The following KIF3C variants were observed in gnomAD, a reference collection of about 807,000 sequenced individuals.
KIF3C encodes the protein kinesin-like protein KIF3C.
In KIF3C, 12 loss-of-function variants were observed where a neutral mutation model predicts 67.7. That is an observed-to-expected ratio of 0.18 (90% CI 0.11 to 0.29). KIF3C has a LOEUF of 0.29. KIF3C is among the 10% of genes least tolerant of loss of function. KIF3C has a pLI of 1.00. For synonymous variants in KIF3C, 393 were observed against 426.2 expected (o/e 0.92, Z 0.96); for missense variants, 789 against 1,059.6 (o/e 0.74, Z 3.55).
At chr2:25,969,396 G>C (rs1043130619) in intron 1 of KIF3C, among the ~76,000 whole-genome samples, 2 of 151,802 alleles carry the variant, frequency 1.3e-5, no homozygotes, top group Non-Finnish European at 2.9e-5. Context: ...TTAAAAGTGG[G>C]TGATGGGTGC....
In KIF3C at chr2:25,981,891, C is replaced by T; in HGVS notation, c.27G>A (p.Glu9=). 1.3e-6 allele frequency: 2 copies of T among 1,570,180 alleles called. No individual in the cohort carries two copies. Among genetic ancestry groups the T allele is most frequent in the East Asian group, 2.3e-5 (1 of 44,442 alleles). Residue 9 remains glutamate, a synonymous_variant, in exon 1 of 8, where the codon GAG becomes GAA. Transcript: ENST00000264712. This position sits in a 1 kb window ranked among gnomAD's most constrained non-coding sequence, Gnocchi z 8.2. The stretch of plus-strand genomic sequence containing the variant: ...GGCACCGGGCCACCACCTTGAGGGC[C>T]TCGCTGGCCTTGGTCTTACTGGCCA... MASKTKAS[E]ALKVVARCRP...
intron 3 of KIF3C, among the ~76,000 whole-genome samples, chr2:25,954,637 G>A (rs1663759333): frequency 6.6e-6 from 1 of 152,204 alleles, no homozygotes. Context: ...TATCAGCATC[G>A]TGGAATGTTC....
At chr2:25,951,547 T>C in intron 5 of KIF3C, 1 of 456,302 alleles carries the variant, frequency 2.2e-6, no homozygotes, top group East Asian at 4.1e-5. Context: ...CCGAGATCCC[T>C]CACAAGGTAT....
chr2:25,946,211 T>TCA (rs1663428981), intron 5 of KIF3C, among the ~76,000 whole-genome samples: 2 of 152,206 alleles, frequency 1.3e-5, no homozygotes, highest in African/African-American at 4.8e-5. Context: ...AAGAACTGAC[T>TCA]CTCTTTTCAC....
chr2:25,967,008 C>CA (rs1319296135), intron 1 of KIF3C, among the ~76,000 whole-genome samples: 1 of 152,226 alleles, frequency 6.6e-6, no homozygotes, highest in African/African-American at 2.4e-5. Flanking sequence ...GCCCTAACTC[C>CA]AAGCCCAATG....
intron 1 of KIF3C, among the ~76,000 whole-genome samples, chr2:25,965,717 C>G (rs564044143): frequency 1.3e-5 from 2 of 151,694 alleles, no homozygotes; most frequent in South Asian, 4.2e-4. Flanking sequence ...TAGAATATAC[C>G]AAGCAGAGGA....
chr2:25,979,620 T>C (rs562356604), intron 1 of KIF3C, among the ~76,000 whole-genome samples: 222 of 152,208 alleles, frequency 1.5e-3, no homozygotes, highest in African/African-American at 5.0e-3. Flanking sequence ...CCACCCTACC[T>C]CCTGCATAAC....
At chr2:25,929,763 C>G (rs538588890) in intron 6 of KIF3C, among the ~76,000 whole-genome samples, 192 bp downstream of exon 6, 2 of 150,560 alleles carry the variant, frequency 1.3e-5, no homozygotes, top group African/African-American at 4.9e-5. Flanking sequence ...CTATAGGCAC[C>G]CATCACCACG....
chr2:25,977,933 G>C (rs1454352692), intron 1 of KIF3C, among the ~76,000 whole-genome samples: 2 of 152,118 alleles, frequency 1.3e-5, no homozygotes, highest in Non-Finnish European at 2.9e-5. Context: ...GAAGTCACAG[G>C]GTATGGAATC....
Position 25,955,788 on chromosome 2 carries a change from A to G in KIF3C, c.1648-125T>C. ...GGCTTCACCATGGCCCATGGCCCAC[A>G]TCCACTGCTCCCACCCAATCCTGCA... On this transcript the variant is annotated intron_variant, in intron 2 of 7. Transcript: ENST00000264712. The surrounding 1 kb of genome is among the most constrained non-coding windows in gnomAD (Gnocchi z 5.0). The G allele has an allele frequency of 1.8e-6, 2 of 1,113,838 alleles. No homozygotes were observed. Among genetic ancestry groups the G allele is most frequent in the Non-Finnish European group, 2.6e-6 (2 of 775,784 alleles). The allele number at this position is 1,113,838 out of a possible 1,614,324, so 69.0% of individuals were successfully genotyped here. A position where few individuals can be genotyped will look rare whatever the true frequency, so the allele number is the denominator to read the frequency against.
Position 25,980,403 on chromosome 2 carries a change from C to G in KIF3C, c.1515G>C (p.Gln505His), listed in dbSNP as rs758833248. The G allele has an allele frequency of 6.2e-7, 1 of 1,613,792 alleles. No individual in the cohort carries two copies. The highest frequency in any genetic ancestry group is 1.3e-5 in the African/African-American group (1 of 74,914). The change falls in exon 1 of 8, where the codon CAG becomes CAC. Residue 505 changes from glutamine (Q) to histidine (H), a missense_variant. By Grantham distance (24) the Gln-to-His change is conservative. Around this residue, in one of 2 missense-constraint regions of KIF3C, gnomAD observed 648 missense variants for 807.8 expected, o/e 0.80. Coordinates refer to ENST00000264712, the MANE Select transcript of KIF3C (RefSeq NM_002254.8). The surrounding 1 kb of genome is among the most constrained non-coding windows in gnomAD (Gnocchi z 7.6). ...ACTTGGCCGCAAGCAGCTCTGTGGC[C>G]TGCTGTTCCCGCCGCAGGTCCTCCA... is the stretch of plus-strand genomic sequence containing the variant. The part of the protein sequence containing the change: ...KMLEDLRREQ[Q>H]ATELLAAKYK...
Position 25,926,737 on chromosome 2 carries a change from G to A in KIF3C, c.*2241C>T, listed in dbSNP as rs1344706991. 6.6e-6 allele frequency: 1 copy of A among 152,092 alleles called. No individual in the cohort carries two copies. The highest frequency in any genetic ancestry group is 2.4e-5 in the African/African-American group (1 of 41,404). The allele number at this position is 152,092 out of a possible 1,614,324, so 9.4% of individuals were successfully genotyped here. A position where few individuals can be genotyped will look rare whatever the true frequency, so the allele number is the denominator to read the frequency against. ...TCCATCCGAAGCCAAGGGGACAGAG[G>A]GGAATGTTTTATATATATATTTATA... On this transcript the variant is annotated 3_prime_UTR_variant, in exon 8 of 8. Coordinates refer to ENST00000264712, the MANE Select transcript of KIF3C (RefSeq NM_002254.8).
chr2:25,962,529 C>A (rs913863610), intron 1 of KIF3C, among the ~76,000 whole-genome samples: 2 of 150,980 alleles, frequency 1.3e-5, no homozygotes, highest in African/African-American at 4.9e-5. Flanking sequence ...CAGGCGCGCA[C>A]CACCACACCC....
intron 1 of KIF3C, among the ~76,000 whole-genome samples, chr2:25,965,832 G>A (rs1228577684): frequency 6.6e-6 from 1 of 152,048 alleles, no homozygotes; most frequent in Admixed American, 6.6e-5. Flanking sequence ...GACTATAGGT[G>A]GGTGGGCCTG....
In KIF3C at chr2:25,958,864, TG is replaced by T. The variant is rs1663875828; in HGVS notation, c.1546-2421del. On this transcript the variant is annotated intron_variant, in intron 1 of 7. Coordinates refer to ENST00000264712, the MANE Select transcript of KIF3C (RefSeq NM_002254.8). The surrounding 1 kb of genome is among the most constrained non-coding windows in gnomAD (Gnocchi z 4.5). ...CCAAGGCAGGCGGATCACCTGAGGT[TG>T]GGAGTTCGAGACCAGTCTGACCAAC... Among the ~76,000 whole-genome samples, 1 of 152,066 alleles carries T rather than the reference TG, an allele frequency of 6.6e-6. No individual in the cohort carries two copies. Among genetic ancestry groups the T allele is most frequent in the African/African-American group, 2.4e-5 (1 of 41,422 alleles).
intron 1 of KIF3C, among the ~76,000 whole-genome samples, chr2:25,964,853 G>T (rs988886727): frequency 2.0e-5 from 3 of 152,090 alleles, no homozygotes; most frequent in Non-Finnish European, 4.4e-5. Flanking sequence ...AAGCATGACT[G>T]CTGAGTCCCC....
intron 5 of KIF3C, among the ~76,000 whole-genome samples, chr2:25,940,031 A>C (rs1663243042): frequency 6.6e-6 from 1 of 152,170 alleles, no homozygotes; most frequent in Non-Finnish European, 1.5e-5. Flanking sequence ...TAAAACAAAA[A>C]CATAAAGTCA....
intron 1 of KIF3C, among the ~76,000 whole-genome samples, chr2:25,964,025 T>C (rs1034112619): frequency 6.6e-5 from 10 of 152,152 alleles, no homozygotes; most frequent in Non-Finnish European, 1.5e-4. Flanking sequence ...AAATTTGTTA[T>C]GGCTAGGCAC....
At chr2:25,969,216 CATT>C (rs1664217751) in intron 1 of KIF3C, among the ~76,000 whole-genome samples, 1 of 152,152 alleles carries the variant, frequency 6.6e-6, no homozygotes, top group South Asian at 2.1e-4. Flanking sequence ...TATAATTGAG[CATT>C]ATTATCAACC....
Sources: gnomAD v4.1 joint callset for allele counts (sites outside exome capture counted in the v4.1 genomes callset) on GRCh38, gnomAD v4.1.1 for gene constraint, gnomAD v4.1.1 regional missense constraint, Gnocchi (gnomAD v3.1) non-coding constraint, MANE v1.5 for transcripts, NCBI Gene and HGNC (gene_info 2026-07-23, HGNC 2026-07-21) for gene names.